Variants in LARP4B observed in about 807,000 individuals in gnomAD.
LARP4B encodes La ribonucleoprotein 4B.
A neutral mutation model predicts 89.8 loss-of-function variants in LARP4B; 12 were observed. That is an observed-to-expected ratio of 0.13 (90% CI 0.09 to 0.22). LARP4B has a LOEUF of 0.22. Ranked by LOEUF, LARP4B falls within the 10% of genes least tolerant of loss-of-function variation. The pLI, the probability that LARP4B is intolerant of heterozygous loss-of-function variation, is 1.00. For missense variants in LARP4B, 757 were observed against 947.7 expected, an observed-to-expected ratio of 0.80 and a Z score of 2.64; for synonymous variants, 367 against 363.3, an observed-to-expected ratio of 1.01 and a Z score of -0.12.
chr10:972,308 G>A, the LARP4B span: 33 of 368,112 alleles, frequency 9.0e-5, no homozygotes, highest in East Asian at 4.3e-4. Context: ...GATTAGAGGC[G>A]TGAGCAACCG....
At chr10:819,987 C>T (rs1474808945) in intron 14 of LARP4B, 1 of 152,212 alleles carries the variant, frequency 6.6e-6, no homozygotes, top group Non-Finnish European at 1.5e-5. Flanking sequence ...CCTTGCTGTC[C>T]CACTACTGGT....
In LARP4B at chr10:833,279, A is replaced by AC. The variant is rs1270086754; in HGVS notation, c.751-2303_751-2302insG. On this transcript the variant is annotated intron_variant, in intron 8 of 17. Transcript: ENST00000316157. ...AAAAAAAAAAAAAAAAAAAAAAAAA[A>AC]AAAAACCTCAAAATGTTTGAAGAAA... Among the ~76,000 whole-genome samples the AC allele has an allele frequency of 3.6e-5, 5 of 139,482 alleles. 1 individual carries two copies. Among genetic ancestry groups the AC allele is most frequent in the African/African-American group, 1.4e-4 (5 of 36,886 alleles). The allele number at this position is 139,482 out of a possible 152,430, so 91.5% of individuals were successfully genotyped here.
the LARP4B span, among the ~76,000 whole-genome samples, chr10:939,824 C>T: frequency 1.1e-4 from 16 of 152,148 alleles, no homozygotes; most frequent in African/African-American, 3.9e-4. Context: ...TTTAATCCAA[C>T]ATATATGGAG....
chr10:976,046 CGGCCT>C, the LARP4B span, among the ~76,000 whole-genome samples: 2 of 110,390 alleles, frequency 1.8e-5, no homozygotes, highest in East Asian at 3.0e-4. Context: ...CGTGTGGACC[CGGCCT>C]AGTAGAATGT....
chr10:823,700 A>T (rs1017764198), intron 13 of LARP4B, among the ~76,000 whole-genome samples: 1 of 151,722 alleles, frequency 6.6e-6, no homozygotes, highest in African/African-American at 2.4e-5. Flanking sequence ...CCCAAGTCTG[A>T]GCCCCAGCTC....
At chr10:929,608 G>A (rs1256846508) in intron 1 of LARP4B, among the ~76,000 whole-genome samples, 1 of 151,314 alleles carries the variant, frequency 6.6e-6, no homozygotes, top group Non-Finnish European at 1.5e-5. Context: ...GGGGGGGGAA[G>A]AAAAAAATCA....
the LARP4B span, among the ~76,000 whole-genome samples, chr10:981,999 G>A: frequency 6.6e-6 from 1 of 152,040 alleles, no homozygotes. Flanking sequence ...GCAGGCAGCA[G>A]GGTAAACATG....
intron 1 of LARP4B, among the ~76,000 whole-genome samples, chr10:914,055 A>G (rs1242525830): frequency 1.3e-5 from 2 of 152,234 alleles, no homozygotes; most frequent in African/African-American, 4.8e-5. Flanking sequence ...TAAAATATCT[A>G]TCTCATTTAT....
intron 1 of LARP4B, among the ~76,000 whole-genome samples, chr10:908,895 G>A (rs573808239): frequency 2.3e-4 from 35 of 152,264 alleles, no homozygotes; most frequent in Non-Finnish European, 4.3e-4. Context: ...GTGAGGGGCC[G>A]ACCCACCTCT....
chr10:870,413 G>T (rs2131873558), intron 3 of LARP4B, among the ~76,000 whole-genome samples: 1 of 152,258 alleles, frequency 6.6e-6, no homozygotes, highest in Middle Eastern at 3.4e-3. Context: ...GCTGTCCACG[G>T]GGACAGCGGG....
chr10:847,581 C>G (rs148578680), intron 5 of LARP4B, among the ~76,000 whole-genome samples: 2 of 151,710 alleles, frequency 1.3e-5, no homozygotes, highest in Non-Finnish European at 2.9e-5. Flanking sequence ...TGCAGTAGCG[C>G]GATCTTGCAA....
the LARP4B span, among the ~76,000 whole-genome samples, chr10:968,038 C>T: frequency 6.6e-6 from 1 of 152,120 alleles, no homozygotes; most frequent in African/African-American, 2.4e-5. Context: ...TTTTGATGGA[C>T]TGTGTTATCC....
At chr10:825,410 GCTCT>G in intron 12 of LARP4B, 94 bp from the exon 13 acceptor site, 1 of 1,236,232 alleles carries the variant, frequency 8.1e-7, no homozygotes, top group Non-Finnish European at 1.1e-6. Context: ...GCTGAAATCT[GCTCT>G]CTGTTTAATA....
At chr10:912,455 A>G (rs1279664073) in intron 1 of LARP4B, among the ~76,000 whole-genome samples, 3 of 152,140 alleles carry the variant, frequency 2.0e-5, no homozygotes, top group African/African-American at 7.2e-5. Context: ...CTGCTTTTCA[A>G]ATTTAAGTAT....
At chr10:969,465 C>T in the LARP4B span, among the ~76,000 whole-genome samples, 1 of 152,132 alleles carries the variant, frequency 6.6e-6, no homozygotes, top group Non-Finnish European at 1.5e-5. Context: ...CACGGTGGCT[C>T]ACACCTGTAG....
At chr10:820,877 T>G in intron 13 of LARP4B, 32 bp from the exon 14 acceptor site, 1 of 1,601,556 alleles carries the variant, frequency 6.2e-7, no homozygotes, top group South Asian at 1.1e-5. Flanking sequence ...GACTGTTATT[T>G]TTTTCCCACT....
At chr10:872,591 A>C (rs1835272246) in intron 3 of LARP4B, among the ~76,000 whole-genome samples, 1 of 152,208 alleles carries the variant, frequency 6.6e-6, no homozygotes, top group South Asian at 2.1e-4. Flanking sequence ...ACCACTGCTG[A>C]GGTGAACGCT....
At chr10:870,325 T>C (rs1835137329) in intron 3 of LARP4B, among the ~76,000 whole-genome samples, 1 of 152,194 alleles carries the variant, frequency 6.6e-6, no homozygotes, top group Non-Finnish European at 1.5e-5. Context: ...AATCCACTTT[T>C]GAGGGATGTT....
intron 15 of LARP4B, among the ~76,000 whole-genome samples, chr10:816,205 G>T (rs1251039105): frequency 6.6e-6 from 1 of 152,192 alleles, no homozygotes; most frequent in Non-Finnish European, 1.5e-5. Context: ...TTCCAGCCTG[G>T]GTGACAGAGC....
Sources: allele counts gnomAD v4.1 joint callset (sites outside exome capture counted in the v4.1 genomes callset), GRCh38; gene constraint gnomAD v4.1.1; transcripts MANE v1.5; gene names NCBI Gene and HGNC (gene_info 2026-07-23, HGNC 2026-07-21).